The following DCPS variants were observed in gnomAD, a reference collection of about 807,000 sequenced individuals.
The protein encoded by DCPS is m7GpppX diphosphatase.
A neutral mutation model predicts 34.7 loss-of-function variants in DCPS; 27 were observed. That is an observed-to-expected ratio of 0.78 (90% CI 0.57 to 1.07). The LOEUF is 1.07. Among genes scored for constraint, DCPS ranks in the 50% least tolerant of loss-of-function variants. The pLI is 0.00. For missense variants in DCPS, 464 were observed against 436.9 expected (o/e 1.06, Z -0.55); for synonymous variants, 185 against 185.7 (o/e 1.00, Z 0.03).
Position 126,338,156 on chromosome 11 carries a change from G to C in DCPS, c.523-130G>C, listed in dbSNP as rs780025881. The C allele has an allele frequency of 7.7e-5, 59 of 769,104 alleles. No individual in the cohort carries two copies. Among genetic ancestry groups the C allele is most frequent in the Non-Finnish European group, 1.3e-4 (57 of 452,074 alleles). The allele number at this position is 769,104 out of a possible 1,614,324, so 47.6% of individuals were successfully genotyped here. ...AGGGCAGCCCGGATGTAGATCCTCT[G>C]AGCGTGGCGGCCTTTTATGGCTTGG... On this transcript the variant is annotated intron_variant, in intron 3 of 5. Transcript: ENST00000263579. This position sits in a 1 kb window ranked among gnomAD's most constrained non-coding sequence, Gnocchi z 5.4.
chr11:126,330,717 A>ATATATATT (rs1951781050), intron 2 of DCPS, among the ~76,000 whole-genome samples: 1 of 17,400 alleles, frequency 5.7e-5, no homozygotes, highest in Non-Finnish European at 9.3e-5. Context: ...ATATATATAT[A>ATATATATT]TATTTTTTTT....
intron 2 of DCPS, among the ~76,000 whole-genome samples, chr11:126,330,706 TA>T: frequency 1.4e-4 from 4 of 29,232 alleles, no homozygotes; most frequent in African/African-American, 7.9e-4. Context: ...TATATATATA[TA>T]TATATATATA....
rs1211027586 is a variant in DCPS, at chr11:126,347,644, C to G, written c.*2031C>G. 6.6e-6 allele frequency among the ~76,000 whole-genome samples: 1 copy of G among 152,216 alleles called. No individual in the cohort carries two copies. Among genetic ancestry groups the G allele is most frequent in the Non-Finnish European group, 1.5e-5 (1 of 68,046 alleles). On this transcript the variant is annotated 3_prime_UTR_variant, in exon 6 of 6. Transcript: ENST00000263579. This position sits in a 1 kb window ranked among gnomAD's most constrained non-coding sequence, Gnocchi z 4.2. ...ATCAGCAGGATCCATTTCATGGCCA[C>G]CACACATCTGACTGACTCCTTCTTG...
rs1005385084 is a variant in DCPS, at chr11:126,328,273, G to A, written c.377-3132G>A. Among the ~76,000 whole-genome samples, 1 of 152,140 alleles carries A rather than the reference G, an allele frequency of 6.6e-6. No homozygotes were observed. Among genetic ancestry groups the A allele is most frequent in the Non-Finnish European group, 1.5e-5 (1 of 68,010 alleles). ...GGAAGCGCGGGAGCTGTGGAGCAGGGGACAGTTTGAGGGTGGCAGCTCCCA... is the reference window on the plus strand; with the variant it reads ...GGAAGCGCGGGAGCTGTGGAGCAGGAGACAGTTTGAGGGTGGCAGCTCCCA... On this transcript the variant is annotated intron_variant, in intron 2 of 5. Coordinates refer to ENST00000263579, the MANE Select transcript of DCPS (RefSeq NM_014026.6). The surrounding 1 kb of genome is among the most constrained non-coding windows in gnomAD (Gnocchi z 6.6).
intron 1 of DCPS, 184 bp downstream of exon 1, chr11:126,304,465 T>C (rs1002773220): frequency 4.6e-6 from 3 of 647,874 alleles, no homozygotes; most frequent in East Asian, 2.8e-5. Flanking sequence ...CCTTTGAAAT[T>C]AAGGCAATGA....
chr11:126,333,283 GC>G lies in DCPS; in HGVS notation c.522+1734del, dbSNP rs1416762172. On this transcript the variant is annotated intron_variant, in intron 3 of 5. Transcript: ENST00000263579. The surrounding 1 kb of genome is among the most constrained non-coding windows in gnomAD (Gnocchi z 5.7). ...GCTATTTCTAGTTTACAAGCACTCA[GC>G]TTAACTGGCAACACTCATTATGTTT... 1.3e-5 allele frequency among the ~76,000 whole-genome samples: 2 copies of G among 152,158 alleles called. No homozygotes were observed. The highest frequency in any genetic ancestry group is 1.3e-4 in the Admixed American group (2 of 15,274).
rs1324081719 is a variant in DCPS, at chr11:126,322,675, C to T, written c.377-8730C>T. ...TGGCACAATCTCGGCTCACTGCAACCTCCGCCTCCGAGGTTCAAGTGATTC... is the reference window on the plus strand; with the variant it reads ...TGGCACAATCTCGGCTCACTGCAACTTCCGCCTCCGAGGTTCAAGTGATTC... On this transcript the variant is annotated intron_variant, in intron 2 of 5. Transcript: ENST00000263579. This position sits in a 1 kb window ranked among gnomAD's most constrained non-coding sequence, Gnocchi z 4.2. Among the ~76,000 whole-genome samples the T allele has an allele frequency of 2.0e-5, 3 of 152,062 alleles. No homozygotes were observed. The highest frequency in any genetic ancestry group is 2.1e-4 in the South Asian group (1 of 4,818).
chr11:126,317,781 G>A (rs1273786632), intron 2 of DCPS, among the ~76,000 whole-genome samples: 1 of 152,208 alleles, frequency 6.6e-6, no homozygotes, highest in East Asian at 1.9e-4. Context: ...TTCTGTGTGT[G>A]GAGAAGTGGG....
Position 126,345,248 on chromosome 11 carries a change from C to T in DCPS, c.748-99C>T. The stretch of plus-strand genomic sequence containing the variant: ...AGGGTTTTTGTGAGCTGTCCCAGGC[C>T]AATCCAGGATTCAGATGGGAGGAGG... On this transcript the variant is annotated intron_variant, in intron 5 of 5. Coordinates refer to ENST00000263579, the MANE Select transcript of DCPS (RefSeq NM_014026.6). The surrounding 1 kb of genome is among the most constrained non-coding windows in gnomAD (Gnocchi z 7.4). 6.5e-7 allele frequency: 1 copy of T among 1,536,132 alleles called. No individual in the cohort carries two copies. The highest frequency in any genetic ancestry group is 2.3e-5 in the East Asian group (1 of 44,322).
Position 126,348,905 on chromosome 11 carries a change from G to A in DCPS, c.*3292G>A, listed in dbSNP as rs940180039. Among the ~76,000 whole-genome samples, 1 of 152,192 alleles carries A rather than the reference G, an allele frequency of 6.6e-6. No homozygotes were observed. The highest frequency in any genetic ancestry group is 2.4e-5 in the African/African-American group (1 of 41,442). On this transcript the variant is annotated 3_prime_UTR_variant, in exon 6 of 6. Coordinates refer to ENST00000263579, the MANE Select transcript of DCPS (RefSeq NM_014026.6). This position sits in a 1 kb window ranked among gnomAD's most constrained non-coding sequence, Gnocchi z 5.3. Reference sequence around the variant, plus strand: ...TCCTTTTTACGAAGAAATGGGCTCAGGATGTCTTGTCCAGCATTATGGAGT... The same window carrying A: ...TCCTTTTTACGAAGAAATGGGCTCAAGATGTCTTGTCCAGCATTATGGAGT...
Position 126,345,146 on chromosome 11 carries a change from T to C in DCPS, c.748-201T>C, listed in dbSNP as rs1029560609. 6.6e-6 allele frequency among the ~76,000 whole-genome samples: 1 copy of C among 152,228 alleles called. No homozygotes were observed. The highest frequency in any genetic ancestry group is 2.4e-5 in the African/African-American group (1 of 41,462). ...TTTGGGAGAGTCTCAGCTTTGCTGC[T>C]GTCACCTGCACTTGTGGATTTCCTA... On this transcript the variant is annotated intron_variant, in intron 5 of 5. Transcript: ENST00000263579. This position sits in a 1 kb window ranked among gnomAD's most constrained non-coding sequence, Gnocchi z 7.4.
At chr11:126,343,208 A>G (rs1951890000) in intron 4 of DCPS, 99 bp from the exon 5 acceptor site, 7 of 918,402 alleles carry the variant, frequency 7.6e-6, no homozygotes, top group Non-Finnish European at 1.2e-5. Context: ...TGTAGGCCTC[A>G]GGGGTGGGTG....
At chr11:126,311,187 T>C (rs1490673819) in intron 2 of DCPS, among the ~76,000 whole-genome samples, 1 of 152,250 alleles carries the variant, frequency 6.6e-6, no homozygotes, top group African/African-American at 2.4e-5. Flanking sequence ...TTAGTCATGC[T>C]GGGGCACTCA....
In DCPS at chr11:126,332,368, C is replaced by G. The variant is rs1399930378; in HGVS notation, c.522+818C>G. On this transcript the variant is annotated intron_variant, in intron 3 of 5. Transcript: ENST00000263579. This position sits in a 1 kb window ranked among gnomAD's most constrained non-coding sequence, Gnocchi z 5.4. ...CTGGAACTGGCCCCATGTGAGTACT[C>G]AGAGTTAAATATGACTGATGCTTAT... Among the ~76,000 whole-genome samples, 1 of 152,218 alleles carries G rather than the reference C, an allele frequency of 6.6e-6. No individual in the cohort carries two copies. Among genetic ancestry groups the G allele is most frequent in the Non-Finnish European group, 1.5e-5 (1 of 68,038 alleles).
At chr11:126,318,174 A>G (rs1240502074) in intron 2 of DCPS, among the ~76,000 whole-genome samples, 1 of 152,136 alleles carries the variant, frequency 6.6e-6, no homozygotes, top group Non-Finnish European at 1.5e-5. Flanking sequence ...CTCTGTCTCT[A>G]ATAGCAGCTC....
intron 2 of DCPS, among the ~76,000 whole-genome samples, chr11:126,330,703 ATATATATATATATATATTTTTTTTTTTT>A (rs1951777750): frequency 5.0e-5 from 1 of 19,918 alleles, no homozygotes; most frequent in African/African-American, 3.2e-4. Flanking sequence ...ATATATATAT[ATATATATATATATATATTTTTTTTTTTT>A]TTTTTTTTTT....
chr11:126,304,348 T>A, intron 1 of DCPS, 67 bp downstream of exon 1: 2 of 999,970 alleles, frequency 2.0e-6, no homozygotes, highest in African/African-American at 1.7e-5. Context: ...CGGAGGCAGA[T>A]TTTTTTTTTT....
intron 2 of DCPS, among the ~76,000 whole-genome samples, chr11:126,330,573 G>T (rs1951775297): frequency 6.6e-6 from 1 of 151,242 alleles, no homozygotes; most frequent in African/African-American, 2.4e-5. Context: ...GTCCCATTCA[G>T]AATAAGGAGC....
rs867910779 is a variant in DCPS, at chr11:126,312,241, C to T, written c.376+5497C>T. ...CCACCGCATCTGGCCAGAAGTGAAACTTTAAACAATGCTTACCCATCCGCT... is the reference window on the plus strand; with the variant it reads ...CCACCGCATCTGGCCAGAAGTGAAATTTTAAACAATGCTTACCCATCCGCT... On this transcript the variant is annotated intron_variant, in intron 2 of 5. Coordinates refer to ENST00000263579, the MANE Select transcript of DCPS (RefSeq NM_014026.6). This position sits in a 1 kb window ranked among gnomAD's most constrained non-coding sequence, Gnocchi z 5.1. 1.3e-5 allele frequency among the ~76,000 whole-genome samples: 2 copies of T among 152,098 alleles called. No individual in the cohort carries two copies. Among genetic ancestry groups the T allele is most frequent in the African/African-American group, 4.8e-5 (2 of 41,414 alleles).
Sources: allele counts gnomAD v4.1 joint callset (sites outside exome capture counted in the v4.1 genomes callset), GRCh38; gene constraint gnomAD v4.1.1; non-coding constraint Gnocchi (gnomAD v3.1); transcripts MANE v1.5; gene names NCBI Gene and HGNC (gene_info 2026-07-23, HGNC 2026-07-21).